TAFA5: variants seen among roughly 807,000 people sequenced by gnomAD.
TAFA5 encodes TAFA chemokine like family member 5.
TAFA5 carries 6 observed loss-of-function variants against 15.3 expected under a neutral mutation model. The ratio of observed to expected loss-of-function variants is 0.39; its 90% CI spans 0.21 to 0.77. The LOEUF is 0.77. Among genes scored for constraint, TAFA5 ranks in the 30% least tolerant of loss-of-function variants. TAFA5 has a pLI of 0.41. For missense variants in TAFA5, 161 were observed against 193.1 expected (o/e 0.83, Z 0.98); for synonymous variants, 103 against 80.7 (o/e 1.28, Z -1.48).
chr22:48,597,940 A>G (rs1418790238), intron 1 of TAFA5, among the ~76,000 whole-genome samples: 1 of 152,202 alleles, frequency 6.6e-6, no homozygotes, highest in Non-Finnish European at 1.5e-5. Flanking sequence ...GCATGAACAC[A>G]GGAGTCCCGG....
chr22:48,682,859 T>C (rs1300914496), intron 2 of TAFA5, among the ~76,000 whole-genome samples: 1 of 152,194 alleles, frequency 6.6e-6, no homozygotes, highest in Non-Finnish European at 1.5e-5. Flanking sequence ...CTTGATGATT[T>C]CAAGGTTGTG....
intron 2 of TAFA5, among the ~76,000 whole-genome samples, chr22:48,653,532 G>A (rs1232223541): frequency 6.6e-6 from 1 of 152,196 alleles, no homozygotes; most frequent in Non-Finnish European, 1.5e-5. Flanking sequence ...TGTGGCGTGA[G>A]GGTACAATGG....
Position 48,683,921 on chromosome 22 carries a change from G to A in TAFA5, c.263-23796G>A, listed in dbSNP as rs529935242. 1.6e-4 allele frequency among the ~76,000 whole-genome samples: 25 copies of A among 152,238 alleles called. No homozygotes were observed. The East Asian group carries it at 2.7e-3, about 16-fold the overall frequency. ...TCTCCCTCCTGCCTCCATGTGAGACGTGCCTGCTTCCCCTTTGCCTTCTGC... is the reference window on the plus strand; with the variant it reads ...TCTCCCTCCTGCCTCCATGTGAGACATGCCTGCTTCCCCTTTGCCTTCTGC... On this transcript the variant is annotated intron_variant, in intron 2 of 3. Coordinates refer to ENST00000402357, the MANE Select transcript of TAFA5 (RefSeq NM_001082967.3).
At chr22:48,577,585 T>C (rs928009865) in intron 1 of TAFA5, among the ~76,000 whole-genome samples, 2 of 152,178 alleles carry the variant, frequency 1.3e-5, no homozygotes, top group Admixed American at 1.3e-4. Flanking sequence ...TTCTCATTAG[T>C]TCTGGGTTCC....
intron 1 of TAFA5, among the ~76,000 whole-genome samples, chr22:48,603,081 A>T (rs995228587): frequency 1.3e-5 from 2 of 152,150 alleles, no homozygotes; most frequent in Non-Finnish European, 2.9e-5. Context: ...CTACACAGCC[A>T]TCACCCAGGG....
chr22:48,693,185 G>T, intron 2 of TAFA5: 1 of 1,027,102 alleles, frequency 9.7e-7, no homozygotes, highest in Non-Finnish European at 1.4e-6. Flanking sequence ...TTGTCTGCCT[G>T]GAGGGGCCTC....
chr22:48,642,892 GGAGCTCCACTCTA>G, intron 1 of TAFA5, among the ~76,000 whole-genome samples: 1 of 152,202 alleles, frequency 6.6e-6, no homozygotes, highest in South Asian at 2.1e-4. Flanking sequence ...GGAGAGCCAG[GGAGCTCCACTCTA>G]GAGCTCCACA....
intron 1 of TAFA5, among the ~76,000 whole-genome samples, chr22:48,534,143 G>A (rs1233238308): frequency 6.6e-6 from 1 of 151,424 alleles, no homozygotes; most frequent in Non-Finnish European, 1.5e-5. Flanking sequence ...GCAGGTGAGG[G>A]AGGTCAGGCA....
chr22:48,615,779 C>T (rs1244280740), intron 1 of TAFA5, among the ~76,000 whole-genome samples: 2 of 152,164 alleles, frequency 1.3e-5, no homozygotes, highest in Non-Finnish European at 2.9e-5. Flanking sequence ...AGGGCCAGGT[C>T]ATTGCGGGGG....
At chr22:48,548,707 C>T (rs1364624931) in intron 1 of TAFA5, among the ~76,000 whole-genome samples, 1 of 152,254 alleles carries the variant, frequency 6.6e-6, no homozygotes, top group Non-Finnish European at 1.5e-5. Flanking sequence ...TCATGAAAAT[C>T]CCACTGGCTA....
chr22:48,558,809 C>G (rs1428801760), intron 1 of TAFA5, among the ~76,000 whole-genome samples: 2 of 152,222 alleles, frequency 1.3e-5, no homozygotes, highest in Non-Finnish European at 2.9e-5. Context: ...GGAGGATACC[C>G]TGGGTGCCCA....
chr22:48,507,782 C>T lies in TAFA5; in HGVS notation c.112+18078C>T, dbSNP rs115901603. 3.2e-3 allele frequency among the ~76,000 whole-genome samples: 485 copies of T among 152,244 alleles called. 2 individuals carry two copies. The highest frequency in any genetic ancestry group is 0.011 in the African/African-American group (473 of 41,550). On this transcript the variant is annotated intron_variant, in intron 1 of 3. Coordinates refer to ENST00000402357, the MANE Select transcript of TAFA5 (RefSeq NM_001082967.3). ...AGTGTGAGGGTGGCCGTGTGAGGAG[C>T]CCCTGCCTGGGAGCTGTCGGGATGG...
In TAFA5 at chr22:48,729,292, T is replaced by A. The variant is rs1601702729; in HGVS notation, c.391-20547T>A. Among the ~76,000 whole-genome samples, 3 of 85,860 alleles carry A rather than the reference T, an allele frequency of 3.5e-5. No individual in the cohort carries two copies. The Admixed American group carries it at 4.5e-4, about 13-fold the overall frequency. The allele number at this position is 85,860 out of a possible 152,430, so 56.3% of individuals were successfully genotyped here. ...ATATTTATTTATAAATATATAATAATTTTATATTTATTTATAAATATATAA... is the reference window on the plus strand; with the variant it reads ...ATATTTATTTATAAATATATAATAAATTTATATTTATTTATAAATATATAA... On this transcript the variant is annotated intron_variant, in intron 3 of 3. Coordinates refer to ENST00000402357, the MANE Select transcript of TAFA5 (RefSeq NM_001082967.3).
chr22:48,746,741 C>T (rs1194670010), intron 3 of TAFA5, among the ~76,000 whole-genome samples: 2 of 152,184 alleles, frequency 1.3e-5, no homozygotes, highest in Admixed American at 1.3e-4. Flanking sequence ...CTAGTCCAGC[C>T]TTGTTACAGG....
intron 2 of TAFA5, among the ~76,000 whole-genome samples, chr22:48,689,978 T>C (rs1928486266): frequency 6.6e-6 from 1 of 152,102 alleles, no homozygotes; most frequent in Non-Finnish European, 1.5e-5. Context: ...CGCTCTGCCT[T>C]GCAACCTCTT....
intron 2 of TAFA5, among the ~76,000 whole-genome samples, chr22:48,650,780 C>T (rs902988671): frequency 3.3e-5 from 5 of 151,584 alleles, no homozygotes; most frequent in Non-Finnish European, 7.4e-5. Context: ...TCCATCCTTA[C>T]ACACAGTATC....
intron 1 of TAFA5, among the ~76,000 whole-genome samples, chr22:48,604,564 GC>G (rs1255736156): frequency 6.6e-6 from 1 of 152,226 alleles, no homozygotes; most frequent in South Asian, 2.1e-4. Context: ...CTGGGCTCTG[GC>G]TCTGATCCCT....
chr22:48,725,530 A>G (rs1285897807), intron 3 of TAFA5, among the ~76,000 whole-genome samples: 4 of 152,136 alleles, frequency 2.6e-5, no homozygotes, highest in Admixed American at 2.6e-4. Flanking sequence ...CAGGAACCCA[A>G]GGTGAGGCAG....
intron 1 of TAFA5, chr22:48,544,482 A>T (rs182888256): frequency 2.8e-6 from 1 of 354,690 alleles, no homozygotes; most frequent in African/African-American, 2.1e-5. Flanking sequence ...TTGTTGAAAT[A>T]TGCAGACCTC....
Sources: gnomAD v4.1 joint callset for allele counts (sites outside exome capture counted in the v4.1 genomes callset) on GRCh38, gnomAD v4.1.1 for gene constraint, MANE v1.5 for transcripts, NCBI Gene and HGNC (gene_info 2026-07-23, HGNC 2026-07-21) for gene names.